The following FN1 variants were observed in gnomAD, a reference collection of about 807,000 sequenced individuals.
FN1 encodes fibronectin 1, also known as fibronectin.
Under a neutral mutation model 297.3 loss-of-function variants are expected in FN1, and 106 were observed. The observed-to-expected ratio is 0.36, with a 90% CI of 0.30 to 0.42. The LOEUF (loss-of-function observed/expected upper bound fraction) is 0.42. FN1 is among the 10% of genes least tolerant of loss of function. The pLI, the probability that FN1 is intolerant of heterozygous loss-of-function variation, is 1.00. For synonymous variants in FN1, 1,149 were observed against 1,152.6 expected (o/e 1.00, Z 0.06); for missense variants, 2,690 against 3,124.9 (o/e 0.86, Z 3.32).
chr2:215,428,191 G>C lies in FN1; in HGVS notation c.833C>G (p.Thr278Ser), dbSNP rs368428323. Residue 278 changes from threonine (T) to serine (S), a missense_variant, in exon 6 of 46, where the codon ACC becomes AGC. By Grantham distance (58) the Thr-to-Ser change is moderately conservative. Coordinates refer to ENST00000354785, the MANE Select transcript of FN1 (RefSeq NM_212482.4). ...GTCCTGTGCCTCACCGCTCGATGTG[G>C]TCTGCACAGAGGTGTGCCTCTCACA... Reference protein sequence around the residue: ...WKCERHTSVQTTSSGSGPFTD... With the variant: ...WKCERHTSVQSTSSGSGPFTD... 107 of 1,613,966 alleles carry C rather than the reference G, an allele frequency of 6.6e-5. No individual in the cohort carries two copies. Among genetic ancestry groups the C allele is most frequent in the Non-Finnish European group, 8.8e-5 (104 of 1,180,044 alleles).
chr2:215,386,903 A>G lies in FN1; in HGVS notation c.4398T>C (p.Thr1466=). The change falls in exon 28 of 46, where the codon ACT becomes ACC. Residue 1466 remains threonine, a synonymous_variant. Coordinates refer to ENST00000354785, the MANE Select transcript of FN1 (RefSeq NM_212482.4). ...DFSDITANSF[T]VHWIAPRATI... The stretch of plus-strand genomic sequence containing the variant: ...TGGCTCGAGGAGCAATCCAGTGCAC[A>G]GTAAAAGAGTTGGCAGTAATATCAG... 1.2e-6 allele frequency: 2 copies of G among 1,613,624 alleles called. No homozygotes were observed. The highest frequency in any genetic ancestry group is 1.1e-5 in the South Asian group (1 of 90,960).
chr2:215,414,797 A>G (rs1167933786), intron 13 of FN1, 40 bp downstream of exon 13: 3 of 1,613,324 alleles, frequency 1.9e-6, no homozygotes, highest in Non-Finnish European at 2.5e-6. Flanking sequence ...TGATAAGATT[A>G]GGAGACTCAG....
rs1304365040 is a variant in FN1 at position 215,435,903 on chromosome 2, G to A, written c.-101C>T. On this transcript the variant is annotated 5_prime_UTR_variant, in exon 1 of 46. Transcript: ENST00000354785. ...GGAAAAATCCCTTCTAATGCCTCCC[G>A]GGGGTTGTCGCCTCCAAGAAGGTGG... 4 of 1,462,452 alleles carry A rather than the reference G, an allele frequency of 2.7e-6. No individual in the cohort carries two copies. The African/African-American group carries it at 4.2e-5, about 15-fold the overall frequency. The allele number at this position is 1,462,452 out of a possible 1,614,324, so 90.6% of individuals were successfully genotyped here. A position where few individuals can be genotyped will look rare whatever the true frequency, so the allele number is the denominator to read the frequency against.
At chr2:215,362,728 C>T (rs1057197166) in intron 44 of FN1, 1 of 153,838 alleles carries the variant, frequency 6.5e-6, no homozygotes, top group Non-Finnish European at 1.4e-5. Context: ...GAGGCTCCTG[C>T]CTGAAGTTTT....
intron 34 of FN1, 144 bp downstream of exon 34, chr2:215,378,986 C>T (rs1396206414): frequency 3.7e-6 from 3 of 821,636 alleles, no homozygotes; most frequent in Non-Finnish European, 6.0e-6. Flanking sequence ...AAAGGAATTC[C>T]GTTGATATAA....
At position 215,376,651 on chromosome 2, in the gene FN1, G is replaced by A. The variant is rs764193807; in HGVS notation, c.5734C>T (p.Arg1912Cys). Reference sequence around the variant, plus strand: ...GTGGTCTCAGTAGCATCTGTCACACGAGCCCTTCTTGGTGGGCTGACATCT... The same window carrying A: ...GTGGTCTCAGTAGCATCTGTCACACAAGCCCTTCTTGGTGGGCTGACATCT... ...LENVSPPRRARVTDATETTIT... is the reference protein window; with the variant it reads ...LENVSPPRRACVTDATETTIT... The change falls in exon 36 of 46, where the codon CGT (arginine) becomes TGT (cysteine). Residue 1912 changes from arginine (R) to cysteine (C), a missense_variant. Coordinates refer to ENST00000354785, the MANE Select transcript of FN1 (RefSeq NM_212482.4). 19 of 1,613,852 alleles carry A rather than the reference G, an allele frequency of 1.2e-5. No homozygotes were observed. The highest frequency in any genetic ancestry group is 2.2e-5 in the East Asian group (1 of 44,886).
chr2:215,362,298 G>A (rs1416048569), intron 44 of FN1: 12 of 553,276 alleles, frequency 2.2e-5, no homozygotes, highest in Non-Finnish European at 3.9e-5. Flanking sequence ...TCTCTATGTT[G>A]TTTCTTTCTC....
chr2:215,380,736 G>C, intron 33 of FN1, 75 bp downstream of exon 33: 1 of 1,521,396 alleles, frequency 6.6e-7, no homozygotes, highest in South Asian at 1.1e-5. Context: ...CAATAGCCCA[G>C]TGAAGCATAA....
intron 44 of FN1, among the ~76,000 whole-genome samples, chr2:215,364,214 A>G (rs2054078346): frequency 6.6e-6 from 1 of 152,206 alleles, no homozygotes; most frequent in Non-Finnish European, 1.5e-5. Context: ...TTTTTCCTAT[A>G]CTACTTAGCA....
intron 19 of FN1, 83 bp from the exon 20 acceptor site, chr2:215,404,738 T>A: frequency 7.7e-7 from 1 of 1,294,902 alleles, no homozygotes; most frequent in Non-Finnish European, 1.1e-6. Flanking sequence ...ATTGAATGTC[T>A]AAGTTTTCTC....
intron 22 of FN1, 64 bp from the exon 23 acceptor site, chr2:215,397,287 C>T: frequency 1.8e-6 from 2 of 1,139,014 alleles, no homozygotes; most frequent in Non-Finnish European, 2.7e-6. Flanking sequence ...TGTAATCTTT[C>T]CTCCTTCCCT....
At chr2:215,376,289 G>A (rs549487746) in intron 36 of FN1, among the ~76,000 whole-genome samples, 6 of 152,228 alleles carry the variant, frequency 3.9e-5, no homozygotes, top group Non-Finnish European at 7.4e-5. Context: ...TGACACTTAC[G>A]CAATTTCCAT....
chr2:215,404,191 A>G (rs1288255240), intron 20 of FN1, among the ~76,000 whole-genome samples, 198 bp downstream of exon 20: 3 of 152,116 alleles, frequency 2.0e-5, no homozygotes, highest in African/African-American at 7.2e-5. Context: ...TTCTGGCACA[A>G]CCGTTTTTCT....
At chr2:215,433,872 C>T (rs1191872377) in intron 2 of FN1, among the ~76,000 whole-genome samples, 6 of 152,178 alleles carry the variant, frequency 3.9e-5, no homozygotes, top group African/African-American at 1.4e-4. Context: ...GAGGCTGAGG[C>T]GGGTGGATCA....
In FN1 at chr2:215,379,379, G is replaced by GT. The variant is rs1413960982; in HGVS notation, c.5435-63dup. 3 of 1,481,194 alleles carry GT rather than the reference G, an allele frequency of 2.0e-6. No individual in the cohort carries two copies. The South Asian group carries it at 3.4e-5, about 17-fold the overall frequency. The allele number at this position is 1,481,194 out of a possible 1,614,324, so 91.8% of individuals were successfully genotyped here. ...GGAAATGGGGGAAAAGGAAAATAAA[G>GT]TGAGTTCCAAGAAGTAGAATGGATT... On this transcript the variant is annotated intron_variant, in intron 33 of 45. Transcript: ENST00000354785.
In FN1 at chr2:215,391,520, T is replaced by G. The variant is rs562033662; in HGVS notation, c.4252+112A>C. ...CTGTGCATTGAATTCAGAGTTTAGT[T>G]TGTAGCTTGGTTGCAGCTCTCTTGC... On this transcript the variant is annotated intron_variant, in intron 26 of 45. Transcript: ENST00000354785. The G allele has an allele frequency of 9.2e-4, 786 of 855,536 alleles. 14 individuals carry two copies. The South Asian group carries it at 0.01, about 11-fold the overall frequency. 53.0% of individuals were successfully genotyped at this position (855,536 alleles called of 1,614,324 possible). A position where few individuals can be genotyped will look rare whatever the true frequency, so the allele number is the denominator to read the frequency against.
At position 215,393,151 on chromosome 2, in the gene FN1, G is replaced by C; in HGVS notation, c.3849C>G (p.Ile1283Met). 1 of 1,614,018 alleles carries C rather than the reference G, an allele frequency of 6.2e-7. No homozygotes were observed. The highest frequency in any genetic ancestry group is 1.1e-5 in the South Asian group (1 of 91,074). Residue 1283 changes from isoleucine (I) to methionine (M), a missense_variant, in exon 25 of 46, where the codon ATC becomes ATG. Transcript: ENST00000354785. ...LSFVDITDSS[I>M]GLRWTPLNSS... Reference sequence around the variant, plus strand: ...AGTTTAGCGGGGTCCACCTCAGGCCGATGCTTGAATCGGTTATATCAACAA... The same window carrying C: ...AGTTTAGCGGGGTCCACCTCAGGCCCATGCTTGAATCGGTTATATCAACAA...
chr2:215,423,444 A>G lies in FN1; in HGVS notation c.1299T>C (p.Asp433=), dbSNP rs2106433331. 6.2e-7 allele frequency: 1 copy of G among 1,614,208 alleles called. No individual in the cohort carries two copies. The highest frequency in any genetic ancestry group is 8.5e-7 in the Non-Finnish European group (1 of 1,180,024). The part of the protein sequence containing the change: ...PFLYNNHNYT[D]CTSEGRRDNM... The stretch of plus-strand genomic sequence containing the variant: ...TGTCTCTTCTGCCCTCAGAAGTGCA[A>G]TCAGTGTAATTGTGGTTGTTGTATA... Residue 433 remains aspartate, a synonymous_variant, in exon 9 of 46, where the codon GAT becomes GAC. Transcript: ENST00000354785.
chr2:215,387,217 A>AT (rs747663925), intron 27 of FN1, among the ~76,000 whole-genome samples: 35 of 152,186 alleles, frequency 2.3e-4, no homozygotes, highest in Admixed American at 9.8e-4. Context: ...ATTCAAGCAG[A>AT]TTTTAGGGGT....
Sources: gnomAD v4.1 joint callset for allele counts (sites outside exome capture counted in the v4.1 genomes callset) on GRCh38, gnomAD v4.1.1 for gene constraint, MANE v1.5 for transcripts, NCBI Gene and HGNC (gene_info 2026-07-23, HGNC 2026-07-21) for gene names.